CCDC18: variants seen among roughly 807,000 people sequenced by gnomAD.
CCDC18 encodes the protein coiled-coil domain containing 18.
In CCDC18, 157 loss-of-function variants were observed where a neutral mutation model predicts 196.0. The ratio of observed to expected loss-of-function variants is 0.80; its 90% CI spans 0.70 to 0.91. The LOEUF is 0.91. Ranked by LOEUF, CCDC18 falls within the 40% of genes least tolerant of loss-of-function variation. CCDC18 has a pLI of 0.00. For missense variants in CCDC18, 1,465 were observed against 1,611.6 expected, an observed-to-expected ratio of 0.91 and a Z score of 1.56; for synonymous variants, 482 against 529.2, an observed-to-expected ratio of 0.91 and a Z score of 1.22.
chr1:93,232,399 TGA>T (rs759996928), intron 17 of CCDC18, 25 bp from the exon 18 acceptor site: 11 of 1,358,946 alleles, frequency 8.1e-6, no homozygotes, highest in Middle Eastern at 1.9e-4. Context: ...TGCATTGTAT[TGA>T]GAGATATATA....
chr1:93,258,797 G>C lies in CCDC18; in HGVS notation c.3596G>C (p.Arg1199Pro). 1.3e-6 allele frequency: 2 copies of C among 1,592,826 alleles called. No homozygotes were observed. Among genetic ancestry groups the C allele is most frequent in the Non-Finnish European group, 1.7e-6 (2 of 1,169,902 alleles). Residue 1199 changes from arginine (R) to proline (P), a missense_variant, in exon 26 of 29, where the codon CGT (arginine) becomes CCT (proline). Coordinates refer to ENST00000690025, the MANE Select transcript of CCDC18 (RefSeq NM_001378204.1). ...GAAGAACTGGGGGCTTCTAAAGTACGTGAAGCTCATTTAGAAGCAAGAATG... is the reference window on the plus strand; with the variant it reads ...GAAGAACTGGGGGCTTCTAAAGTACCTGAAGCTCATTTAGAAGCAAGAATG... ...LAEELGASKV[R>P]EAHLEARMQA...
intron 6 of CCDC18, chr1:93,199,628 C>T (rs990036372): frequency 6.6e-6 from 1 of 152,248 alleles, no homozygotes; most frequent in African/African-American, 2.4e-5. Flanking sequence ...CATTTTAAGC[C>T]CCACCATTCA....
At chr1:93,233,710 C>T (rs1487055518) in intron 18 of CCDC18, among the ~76,000 whole-genome samples, 12 of 151,988 alleles carry the variant, frequency 7.9e-5, no homozygotes, top group Admixed American at 7.9e-4. Context: ...GCGATTCTCC[C>T]ACCTCAGCGA....
intron 26 of CCDC18, among the ~76,000 whole-genome samples, chr1:93,264,206 G>C (rs1382644424): frequency 6.6e-6 from 1 of 152,110 alleles, no homozygotes; most frequent in East Asian, 1.9e-4. Flanking sequence ...CCATCCCCAT[G>C]ACCCAATCAC....
intron 19 of CCDC18, 22 bp from the exon 20 acceptor site, chr1:93,239,288 T>C (rs1305495929): frequency 3.3e-6 from 5 of 1,499,048 alleles, no homozygotes; most frequent in Non-Finnish European, 4.5e-6. Context: ...AATTACCTGT[T>C]TTATTATTTG....
chr1:93,180,276 T>G, upstream of CCDC18: 2 of 1,582,168 alleles, frequency 1.3e-6, no homozygotes, highest in Non-Finnish European at 1.7e-6. Context: ...GAAAGAGGCG[T>G]CAGGTACTGT....
chr1:93,183,386 T>C lies in CCDC18; in HGVS notation c.25T>C (p.Tyr9His), dbSNP rs1256518772. 4.4e-6 allele frequency: 7 copies of C among 1,590,816 alleles called. No individual in the cohort carries two copies. The African/African-American group carries it at 8.1e-5, about 18-fold the overall frequency. The part of the protein sequence containing the change: MESSSSDY[Y>H]NKDNEEESLL... ...AATGGAATCTAGTTCATCAGACTAC[T>C]ATAATAAAGACAATGAAGAGGAAAG... The change falls in exon 2 of 29, where the codon TAT (tyrosine) becomes CAT (histidine). Residue 9 changes from tyrosine to histidine, a missense_variant. Physicochemically the swap from Tyr to His is moderately conservative, Grantham distance 83. Transcript: ENST00000690025.
chr1:93,242,013 G>A (rs183595485), intron 21 of CCDC18, among the ~76,000 whole-genome samples: 58 of 152,216 alleles, frequency 3.8e-4, no homozygotes, highest in Admixed American at 3.5e-3. Flanking sequence ...TAAGTTGAAC[G>A]TAGAATTACC....
chr1:93,271,156 T>C, intron 28 of CCDC18: 1 of 985,142 alleles, frequency 1.0e-6, no homozygotes, highest in Non-Finnish European at 1.2e-6. Context: ...AGAAAGTAGG[T>C]TCTGAGGTGA....
chr1:93,264,610 TA>T lies in CCDC18; in HGVS notation c.3685-88del, dbSNP rs974071222. The stretch of plus-strand genomic sequence containing the variant: ...GAATTTACTTTTTTTAAAGAAAAAG[TA>T]AATAAAAGTAGAAAGCATTAGACTG... On this transcript the variant is annotated intron_variant, in intron 26 of 28. Coordinates refer to ENST00000690025, the MANE Select transcript of CCDC18 (RefSeq NM_001378204.1). 189 of 718,760 alleles carry T rather than the reference TA, an allele frequency of 2.6e-4. 1 individual carries two copies. In the African/African-American group the frequency reaches 3.2e-3, roughly 12 times the overall value. 44.5% of individuals were successfully genotyped at this position (718,760 alleles called of 1,614,324 possible).
intron 25 of CCDC18, among the ~76,000 whole-genome samples, chr1:93,257,237 A>C (rs1443369200): frequency 7.3e-6 from 1 of 136,922 alleles, no homozygotes; most frequent in Admixed American, 7.2e-5. Flanking sequence ...ATCTCAAAAA[A>C]AAAAAAAAAA....
intron 27 of CCDC18, among the ~76,000 whole-genome samples, chr1:93,268,126 T>C (rs772207288): frequency 2.0e-5 from 3 of 151,948 alleles, no homozygotes; most frequent in Non-Finnish European, 1.5e-5. Flanking sequence ...ACACCACACA[T>C]CTACAACCAT....
intron 26 of CCDC18, among the ~76,000 whole-genome samples, chr1:93,262,783 G>C (rs1020924128): frequency 6.6e-6 from 1 of 152,146 alleles, no homozygotes; most frequent in African/African-American, 2.4e-5. Context: ...TGGGGACTCT[G>C]TGTGGGGGCT....
chr1:93,196,088 C>T (rs75928630), intron 6 of CCDC18, among the ~76,000 whole-genome samples: 2,123 of 152,166 alleles, frequency 0.014, 24 homozygotes, highest in Middle Eastern at 0.034. Context: ...TTTGTGGGGC[C>T]GAGATAGGTG....
Position 93,246,850 on chromosome 1 carries a change from G to T in CCDC18, c.3094G>T (p.Asp1032Tyr), listed in dbSNP as rs370800298. The T allele has an allele frequency of 6.8e-7, 1 of 1,473,448 alleles. No individual in the cohort carries two copies. Among genetic ancestry groups the T allele is most frequent in the Non-Finnish European group, 9.4e-7 (1 of 1,062,506 alleles). The allele number at this position is 1,473,448 out of a possible 1,614,324, so 91.3% of individuals were successfully genotyped here. A position where few individuals can be genotyped will look rare whatever the true frequency, so the allele number is the denominator to read the frequency against. ...KQRAAQVTHL[D>Y]MTIREHRGEM... Reference sequence around the variant, plus strand: ...GGTTATTTTTTAGGTTACACATTTGGATATGACTATTCGTGAGCACAGAGG... The same window carrying T: ...GGTTATTTTTTAGGTTACACATTTGTATATGACTATTCGTGAGCACAGAGG... Residue 1032 changes from aspartate (D) to tyrosine (Y), a missense_variant, in exon 23 of 29, where the codon GAT becomes TAT. Physicochemically the swap from Asp to Tyr is radical, Grantham distance 160. Coordinates refer to ENST00000690025, the MANE Select transcript of CCDC18 (RefSeq NM_001378204.1).
chr1:93,181,637 A>G (rs960279320), intron 1 of CCDC18, among the ~76,000 whole-genome samples: 1 of 151,132 alleles, frequency 6.6e-6, no homozygotes, highest in African/African-American at 2.4e-5. Context: ...TTTTTTTGAG[A>G]CCGAGTCTCA....
At chr1:93,265,375 C>T (rs1456501641) in intron 27 of CCDC18, among the ~76,000 whole-genome samples, 1 of 152,110 alleles carries the variant, frequency 6.6e-6, no homozygotes, top group Non-Finnish European at 1.5e-5. Flanking sequence ...CAACAGTGAC[C>T]TTCTTTGAGT....
At position 93,278,513 on chromosome 1, in the gene CCDC18, T is replaced by G. The variant is rs757981404; in HGVS notation, c.*36T>G. 8.1e-7 allele frequency: 1 copy of G among 1,240,568 alleles called. No individual in the cohort carries two copies. The highest frequency in any genetic ancestry group is 1.1e-6 in the Non-Finnish European group (1 of 915,428). 76.8% of individuals were successfully genotyped at this position (1,240,568 alleles called of 1,614,324 possible). On this transcript the variant is annotated 3_prime_UTR_variant, in exon 29 of 29. Coordinates refer to ENST00000690025, the MANE Select transcript of CCDC18 (RefSeq NM_001378204.1). ...ATACTGATGTGTTGAAAAAATGGAA[T>G]TTTTGGTACTGTGCTGTTTACTTAT...
intron 16 of CCDC18, among the ~76,000 whole-genome samples, chr1:93,225,414 C>T (rs891325349): frequency 6.6e-6 from 1 of 152,154 alleles, no homozygotes; most frequent in Admixed American, 6.6e-5. Flanking sequence ...TGTTTCAAAG[C>T]AAAGAAGGTT....
Sources: gnomAD v4.1 joint callset for allele counts (sites outside exome capture counted in the v4.1 genomes callset) on GRCh38, gnomAD v4.1.1 for gene constraint, MANE v1.5 for transcripts, NCBI Gene and HGNC (gene_info 2026-07-23, HGNC 2026-07-21) for gene names.